The following SRGAP3 variants were observed in gnomAD, a reference collection of about 807,000 sequenced individuals.
SRGAP3 encodes SLIT-ROBO Rho GTPase activating protein 3.
In SRGAP3, 39 loss-of-function variants were observed where a neutral mutation model predicts 121.1. The observed-to-expected ratio is 0.32, with a 90% confidence interval of 0.25 to 0.42. SRGAP3 has a LOEUF of 0.42. SRGAP3 is among the 10% of genes least tolerant of loss of function. The probability of loss-of-function intolerance (pLI) is 1.00; values close to 1 mark genes in which losing one functional copy is unlikely to be tolerated. For synonymous variants in SRGAP3, 601 were observed against 570.0 expected, an observed-to-expected ratio of 1.05 and a Z score of -0.77; for missense variants, 1,213 against 1,470.6, an observed-to-expected ratio of 0.82 and a Z score of 2.86.
intron 1 of SRGAP3, among the ~76,000 whole-genome samples, chr3:9,153,562 T>A (rs887475381): frequency 1.3e-5 from 2 of 152,188 alleles, no homozygotes; most frequent in Non-Finnish European, 2.9e-5. Flanking sequence ...CCTGTATTCA[T>A]CTAGGTTAGT....
At chr3:9,277,259 T>C (rs1954602170) in intron 3 of SRGAP3, among the ~76,000 whole-genome samples, 1 of 152,088 alleles carries the variant, frequency 6.6e-6, no homozygotes, top group Non-Finnish European at 1.5e-5. Flanking sequence ...AAATAAGAGT[T>C]CAGATAAAGC....
intron 19 of SRGAP3, 122 bp from the exon 20 acceptor site, chr3:8,993,177 A>G (rs1162902468): frequency 2.7e-6 from 4 of 1,487,454 alleles, no homozygotes; most frequent in African/African-American, 2.8e-5. Flanking sequence ...TTGTGCCCAC[A>G]GCGCTTGCTA....
intron 3 of SRGAP3, among the ~76,000 whole-genome samples, chr3:9,318,720 A>C (rs1349772632): frequency 6.6e-6 from 1 of 151,466 alleles, no homozygotes; most frequent in Non-Finnish European, 1.5e-5. Flanking sequence ...CAAAAAAAAA[A>C]AAAATTTAAA....
At chr3:9,031,922 C>T (rs907776065) in intron 12 of SRGAP3, among the ~76,000 whole-genome samples, 3 of 152,154 alleles carry the variant, frequency 2.0e-5, no homozygotes, top group Non-Finnish European at 2.9e-5. Flanking sequence ...TGCTGCTCTT[C>T]GCTTCTCCAT....
At chr3:9,108,341 G>A (rs538040499) in intron 2 of SRGAP3, among the ~76,000 whole-genome samples, 16 of 152,298 alleles carry the variant, frequency 1.1e-4, no homozygotes, top group Admixed American at 5.9e-4. Flanking sequence ...GCTTTAGGCC[G>A]GGTGCAGTGG....
At chr3:9,119,734 G>A (rs963520117) in intron 2 of SRGAP3, among the ~76,000 whole-genome samples, 35 of 152,198 alleles carry the variant, frequency 2.3e-4, no homozygotes, top group East Asian at 1.7e-3. Flanking sequence ...TAGAAGCCCC[G>A]AGCTACTGTC....
intron 8 of SRGAP3, among the ~76,000 whole-genome samples, chr3:9,055,086 TAAAGA>T (rs1945757348): frequency 1.3e-5 from 2 of 152,176 alleles, no homozygotes; most frequent in African/African-American, 4.8e-5. Context: ...CATAAATAAA[TAAAGA>T]AAACACTCTG....
chr3:8,991,028 G>A (rs1030357091), intron 20 of SRGAP3, among the ~76,000 whole-genome samples, 189 bp from the exon 21 acceptor site: 1 of 152,174 alleles, frequency 6.6e-6, no homozygotes, highest in South Asian at 2.1e-4. Context: ...CAGCAGCAGG[G>A]GGAGGTCTAA....
chr3:9,086,826 G>T (rs9683026), intron 3 of SRGAP3, among the ~76,000 whole-genome samples: 64,250 of 144,848 alleles, frequency 0.44, 14,548 homozygotes, highest in African/African-American at 0.52. Flanking sequence ...TATACATATA[G>T]GTATAGTACA....
chr3:9,032,676 T>C lies in SRGAP3; in HGVS notation c.1513A>G (p.Asn505Asp). The change falls in exon 12 of 22, where the codon AAC becomes GAC. Residue 505 changes from asparagine (N) to aspartate (D), a missense_variant. This residue lies in a region of SRGAP3 where 793 missense variants were observed against 1,032.9 expected (regional missense o/e 0.77). Transcript: ENST00000383836. ...PLSVYSHKLF[N>D]GSMEAFIKDS... is the part of the protein sequence containing the mutation. ...TTAATGAATGCTTCCATACTGCCGT[T>C]AAAGAGTTTATGGCTATACACTGAG... 1.9e-6 allele frequency: 3 copies of C among 1,613,448 alleles called. No homozygotes were observed. Among genetic ancestry groups the C allele is most frequent in the Non-Finnish European group, 2.5e-6 (3 of 1,179,782 alleles).
chr3:9,351,888 C>A (rs1204870214), intron 1 of SRGAP3, among the ~76,000 whole-genome samples: 1 of 152,160 alleles, frequency 6.6e-6, no homozygotes, highest in Non-Finnish European at 1.5e-5. Context: ...GGTGAGGGAG[C>A]AGTCAAGCTC....
Position 9,282,197 on chromosome 3 carries a change from T to C in SRGAP3, n.442+43813A>G, listed in dbSNP as rs1190775095. Among the ~76,000 whole-genome samples, 3 of 152,340 alleles carry C rather than the reference T, an allele frequency of 2.0e-5. No individual in the cohort carries two copies. The East Asian group carries it at 5.8e-4, about 29-fold the overall frequency. On this transcript the variant is annotated intron_variant and non_coding_transcript_variant, in intron 3 of 3. Coordinates refer to the SRGAP3 transcript ENST00000490889. Reference sequence around the variant, plus strand: ...ATATTATTGAAGACTCCCAAAAAGATTTTGTTTATGAGGTTTTATCTATCA... The same window carrying C: ...ATATTATTGAAGACTCCCAAAAAGACTTTGTTTATGAGGTTTTATCTATCA...
intron 1 of SRGAP3, among the ~76,000 whole-genome samples, chr3:9,165,711 C>T (rs1950763593): frequency 6.6e-6 from 1 of 152,170 alleles, no homozygotes; most frequent in Admixed American, 6.5e-5. Flanking sequence ...CTCAGCCACA[C>T]CTGTGTTCTT....
intron 1 of SRGAP3, among the ~76,000 whole-genome samples, chr3:9,338,194 G>T (rs549622814): frequency 3.9e-5 from 6 of 152,216 alleles, no homozygotes; most frequent in East Asian, 1.9e-4. Flanking sequence ...CTTGCACTTG[G>T]GGGGGAATGG....
At chr3:9,297,635 C>A (rs1327715811) in intron 3 of SRGAP3, among the ~76,000 whole-genome samples, 1 of 152,078 alleles carries the variant, frequency 6.6e-6, no homozygotes. Context: ...GTGACCCACG[C>A]CTATAATCCC....
rs1260061506 is a variant in SRGAP3, at chr3:9,296,855, G to GTGGAAC, written n.442+29154_442+29155insGTTCCA. Among the ~76,000 whole-genome samples, 7 of 152,220 alleles carry GTGGAAC rather than the reference G, an allele frequency of 4.6e-5. No homozygotes were observed. In the East Asian group the frequency reaches 1.3e-3, roughly 29 times the overall value. ...CCTATTATGGAACCATATCCATCAG[G>GTGGAAC]ATATGCCACCTCTACCACCTTTAGT... On this transcript the variant is annotated intron_variant and non_coding_transcript_variant, in intron 3 of 3. Transcript: ENST00000490889.
intron 1 of SRGAP3, among the ~76,000 whole-genome samples, chr3:9,238,175 CTT>C (rs1953483466): frequency 6.6e-6 from 1 of 152,180 alleles, no homozygotes; most frequent in Non-Finnish European, 1.5e-5. Context: ...CCCTGAGAAA[CTT>C]TGGGTTGCAC....
chr3:9,273,290 C>T (rs1296876678), intron 3 of SRGAP3, among the ~76,000 whole-genome samples: 1 of 152,200 alleles, frequency 6.6e-6, no homozygotes, highest in Admixed American at 6.5e-5. Flanking sequence ...CAGTTCCTAA[C>T]AGGGGTTAGA....
chr3:9,017,093 C>T (rs547193223), intron 14 of SRGAP3, among the ~76,000 whole-genome samples: 1 of 152,120 alleles, frequency 6.6e-6, no homozygotes, highest in Non-Finnish European at 1.5e-5. Flanking sequence ...AACATTTCTC[C>T]AGCGGGCTCT....
Sources: allele counts gnomAD v4.1 joint callset (sites outside exome capture counted in the v4.1 genomes callset), GRCh38; gene constraint gnomAD v4.1.1; regional missense constraint gnomAD v4.1.1; transcripts MANE v1.5; gene names NCBI Gene and HGNC (gene_info 2026-07-23, HGNC 2026-07-21).